Variants in TFAP2D observed in about 807,000 individuals in gnomAD.
TFAP2D encodes the protein transcription factor AP-2 delta.
A neutral mutation model predicts 43.6 loss-of-function variants in TFAP2D; 9 were observed. The observed-to-expected ratio is 0.21, with a 90% CI of 0.12 to 0.36. The LOEUF is 0.36. Ranked by LOEUF, TFAP2D falls within the 10% of genes least tolerant of loss-of-function variation. TFAP2D has a pLI of 1.00. For missense variants in TFAP2D, 513 were observed against 561.4 expected, an observed-to-expected ratio of 0.91 and a Z score of 0.87; for synonymous variants, 256 against 224.9, an observed-to-expected ratio of 1.14 and a Z score of -1.24.
chr6:50,720,544 C>T (rs1195689772), intron 3 of TFAP2D, among the ~76,000 whole-genome samples: 2 of 145,836 alleles, frequency 1.4e-5, no homozygotes, highest in African/African-American at 2.5e-5. Context: ...CACACATATA[C>T]GTGGTATAAC....
chr6:50,723,235 G>T (rs1485648753), intron 3 of TFAP2D, among the ~76,000 whole-genome samples: 1 of 152,196 alleles, frequency 6.6e-6, no homozygotes, highest in Non-Finnish European at 1.5e-5. Context: ...TGCTCAGTCT[G>T]CCCATAACAG....
intron 7 of TFAP2D, among the ~76,000 whole-genome samples, chr6:50,764,651 A>C (rs1197372778): frequency 2.0e-5 from 3 of 152,084 alleles, no homozygotes; most frequent in African/African-American, 7.2e-5. Context: ...TGGTGTCCCC[A>C]CTCCTTCTTC....
At chr6:50,762,348 CTCTT>C (rs1200523408) in intron 7 of TFAP2D, among the ~76,000 whole-genome samples, 10 of 151,970 alleles carry the variant, frequency 6.6e-5, no homozygotes, top group East Asian at 1.9e-4. Flanking sequence ...TGCACACACA[CTCTT>C]TCTCTCTCTT....
At chr6:50,736,360 T>C (rs1768963029) in intron 5 of TFAP2D, among the ~76,000 whole-genome samples, 1 of 152,164 alleles carries the variant, frequency 6.6e-6, no homozygotes, top group South Asian at 2.1e-4. Context: ...GCATAGTTTT[T>C]AGACTATTAG....
At chr6:50,750,556 TA>T (rs1455933827) in intron 6 of TFAP2D, among the ~76,000 whole-genome samples, 2 of 151,986 alleles carry the variant, frequency 1.3e-5, no homozygotes, top group Non-Finnish European at 2.9e-5. Context: ...ACACTGTAAT[TA>T]AACTGAAACC....
chr6:50,772,097 A>T (rs960115567), intron 7 of TFAP2D, among the ~76,000 whole-genome samples: 3 of 152,196 alleles, frequency 2.0e-5, no homozygotes, highest in Admixed American at 2.0e-4. Flanking sequence ...TTCTAGGGAC[A>T]TGGATGAAGC....
intron 6 of TFAP2D, among the ~76,000 whole-genome samples, chr6:50,746,322 A>C (rs1328222877): frequency 6.6e-6 from 1 of 151,666 alleles, no homozygotes; most frequent in African/African-American, 2.4e-5. Flanking sequence ...CTACAGACTC[A>C]CCCTCCCCAG....
chr6:50,736,939 T>A (rs967140062), intron 5 of TFAP2D, among the ~76,000 whole-genome samples: 6 of 152,182 alleles, frequency 3.9e-5, no homozygotes, highest in Admixed American at 2.6e-4. Flanking sequence ...CTTTCAAAAC[T>A]TAATGGATCA....
In TFAP2D at chr6:50,719,222, G is replaced by A. The variant is rs80143805; in HGVS notation, c.598+72G>A. 80 of 1,477,398 alleles carry A rather than the reference G, an allele frequency of 5.4e-5. 1 individual carries two copies. The East Asian group carries it at 1.8e-3, about 33-fold the overall frequency. 91.5% of individuals were successfully genotyped at this position (1,477,398 alleles called of 1,614,324 possible). A position where few individuals can be genotyped will look rare whatever the true frequency, so the allele number is the denominator to read the frequency against. On this transcript the variant is annotated intron_variant, in intron 3 of 7. Transcript: ENST00000008391. ...TCTCTTACTTTGTTTAGAAGATCTG[G>A]TTGTGCTCAGATTCCTTTTCTGATG...
intron 7 of TFAP2D, among the ~76,000 whole-genome samples, chr6:50,768,215 AT>A (rs751542249): frequency 0.11 from 9,951 of 91,038 alleles, 434 homozygotes; most frequent in East Asian, 0.24. Flanking sequence ...CCTTAGTCTT[AT>A]TTTTTTTTTT....
intron 7 of TFAP2D, among the ~76,000 whole-genome samples, chr6:50,753,592 C>A (rs1769226885): frequency 1.4e-5 from 2 of 147,424 alleles, no homozygotes; most frequent in African/African-American, 2.5e-5. Context: ...AAATGGCCAC[C>A]CTCACCCCTA....
chr6:50,769,650 C>A (rs941475497), intron 7 of TFAP2D, among the ~76,000 whole-genome samples: 4 of 152,186 alleles, frequency 2.6e-5, no homozygotes, highest in African/African-American at 9.7e-5. Flanking sequence ...TACCAGCCAT[C>A]AAGGCTGCCC....
At chr6:50,741,179 A>G (rs1397831399) in intron 5 of TFAP2D, among the ~76,000 whole-genome samples, 2 of 152,096 alleles carry the variant, frequency 1.3e-5, no homozygotes, top group African/African-American at 4.8e-5. Context: ...TCACTTTTTT[A>G]GTAGGTGGGG....
rs200712438 is a variant in TFAP2D at position 50,713,988 on chromosome 6, G to A, written c.-68G>A. ...AAAAATTGGAAAATACAAGAAGTTT[G>A]GATTTTTTTTTCCCGATTCTTTTTT... On this transcript the variant is annotated 5_prime_UTR_variant, in exon 1 of 8. Transcript: ENST00000008391. 1,097 of 1,598,420 alleles carry A rather than the reference G, an allele frequency of 6.9e-4. 1 individual carries two copies. The highest frequency in any genetic ancestry group is 1.2e-3 in the Middle Eastern group (7 of 6,004).
At chr6:50,737,455 A>G (rs1768979779) in intron 5 of TFAP2D, among the ~76,000 whole-genome samples, 1 of 152,176 alleles carries the variant, frequency 6.6e-6, no homozygotes, top group African/African-American at 2.4e-5. Context: ...TTTTTGATTG[A>G]TTAATATAAG....
At position 50,729,111 on chromosome 6, in the gene TFAP2D, T is replaced by TA. The variant is rs1211356529; in HGVS notation, c.765-82dup. On this transcript the variant is annotated intron_variant, in intron 4 of 7. Coordinates refer to ENST00000008391, the MANE Select transcript of TFAP2D (RefSeq NM_172238.4). ...TCATGATGTCTTCCATCTGATAGTG[T>TA]ATTCCCCATGTGGTCAAGTCGTCTC... 4 of 1,601,538 alleles carry TA rather than the reference T, an allele frequency of 2.5e-6. No homozygotes were observed. In the African/African-American group the frequency reaches 4.0e-5, roughly 16 times the overall value.
At chr6:50,717,406 C>T (rs558539680) in intron 2 of TFAP2D, among the ~76,000 whole-genome samples, 12 of 152,204 alleles carry the variant, frequency 7.9e-5, no homozygotes, top group Non-Finnish European at 1.5e-4. Flanking sequence ...AGAAAATAAA[C>T]ATTGTAACCG....
At chr6:50,741,732 T>A in intron 5 of TFAP2D, among the ~76,000 whole-genome samples, 1 of 146,644 alleles carries the variant, frequency 6.8e-6, no homozygotes. Context: ...AGTGCTGCAA[T>A]ACATTGAAAT....
chr6:50,729,191 CA>C lies in TFAP2D; in HGVS notation c.765-2del. The C allele has an allele frequency of 6.2e-7, 1 of 1,613,220 alleles. No homozygotes were observed. ...AACCTAGTTTTTGTTTGTTTTTGTA[CA>C]GAGCAAAATCAAAGAATGGGGGCCG... On this transcript the variant is annotated splice_acceptor_variant, in intron 4 of 7. Transcript: ENST00000008391. LOFTEE classifies it high-confidence loss of function.
Sources: allele counts gnomAD v4.1 joint callset (sites outside exome capture counted in the v4.1 genomes callset), GRCh38; gene constraint gnomAD v4.1.1; transcripts MANE v1.5; gene names NCBI Gene and HGNC (gene_info 2026-07-23, HGNC 2026-07-21).